COBLL1: variants seen among roughly 807,000 people sequenced by gnomAD.
COBLL1 encodes cordon-bleu protein-like 1.
In COBLL1, 50 loss-of-function variants were observed where a neutral mutation model predicts 94.8. That is an observed-to-expected ratio of 0.53 (90% CI 0.42 to 0.67). COBLL1 has a LOEUF of 0.67. Ranked by LOEUF, COBLL1 falls within the 30% of genes least tolerant of loss-of-function variation. The probability of loss-of-function intolerance (pLI) is 0.00; values close to 1 mark genes in which losing one functional copy is unlikely to be tolerated. For synonymous variants in COBLL1, 448 were observed against 473.8 expected, an observed-to-expected ratio of 0.95 and a Z score of 0.71; for missense variants, 1,362 against 1,348.7, an observed-to-expected ratio of 1.01 and a Z score of -0.15.
intron 7 of COBLL1, among the ~76,000 whole-genome samples, chr2:164,709,574 C>T (rs748484299): frequency 1.3e-4 from 20 of 151,990 alleles, no homozygotes; most frequent in Admixed American, 3.3e-4. Context: ...AGAAATTAGC[C>T]GGGTATGGTG....
At chr2:164,717,817 G>T (rs542797653) in intron 7 of COBLL1, among the ~76,000 whole-genome samples, 15 of 151,988 alleles carry the variant, frequency 9.9e-5, no homozygotes, top group African/African-American at 3.6e-4. Context: ...CTCCTACCTC[G>T]GCCTCCCAAA....
chr2:164,718,769 G>C (rs1685302513), intron 7 of COBLL1, among the ~76,000 whole-genome samples: 1 of 152,154 alleles, frequency 6.6e-6, no homozygotes. Flanking sequence ...TCTGATAAAA[G>C]AATGGACATC....
At chr2:164,729,522 T>C (rs1043991653) in intron 4 of COBLL1, among the ~76,000 whole-genome samples, 1 of 151,802 alleles carries the variant, frequency 6.6e-6, no homozygotes, top group African/African-American at 2.4e-5. Context: ...AAAACACACA[T>C]ACAAATAGAT....
chr2:164,729,796 A>G, intron 4 of COBLL1, 118 bp downstream of exon 4: 1 of 874,426 alleles, frequency 1.1e-6, no homozygotes, highest in Non-Finnish European at 1.8e-6. Flanking sequence ...AGTGCCTAGA[A>G]AAACATAATA....
At chr2:164,787,645 C>T (rs548571767) in intron 2 of COBLL1, among the ~76,000 whole-genome samples, 77 of 152,194 alleles carry the variant, frequency 5.1e-4, no homozygotes, top group African/African-American at 1.7e-3. Context: ...TGACCTTGAG[C>T]CCTCAAATAA....
chr2:164,760,440 A>G (rs1459081218), intron 2 of COBLL1, among the ~76,000 whole-genome samples: 1 of 152,172 alleles, frequency 6.6e-6, no homozygotes, highest in Non-Finnish European at 1.5e-5. Context: ...TGTGGTGGTG[A>G]AGAGTTCTGT....
At chr2:164,755,373 A>C (rs1687346557) in intron 2 of COBLL1, among the ~76,000 whole-genome samples, 1 of 152,052 alleles carries the variant, frequency 6.6e-6, no homozygotes, top group Admixed American at 6.5e-5. Flanking sequence ...CATTAACATA[A>C]TTTTGCCATT....
downstream of COBLL1, among the ~76,000 whole-genome samples, chr2:164,677,147 T>G (rs749790029): frequency 2.0e-5 from 3 of 152,200 alleles, no homozygotes; most frequent in Admixed American, 6.5e-5. Context: ...GGTTATAATT[T>G]TATATGTTGC....
At chr2:164,782,219 G>A (rs1273674895) in intron 2 of COBLL1, among the ~76,000 whole-genome samples, 1 of 152,132 alleles carries the variant, frequency 6.6e-6, no homozygotes, top group Non-Finnish European at 1.5e-5. Flanking sequence ...TTAAGAAAAT[G>A]CCTGGCCTTT....
At position 164,818,272 on chromosome 2, in the gene COBLL1, GTATGTATACATATA is replaced by G; in HGVS notation, c.41+22870_41+22883del. 2.6e-5 allele frequency among the ~76,000 whole-genome samples: 3 copies of G among 116,778 alleles called. 1 individual carries two copies. The highest frequency in any genetic ancestry group is 1.0e-4 in the African/African-American group (3 of 29,300). 76.6% of individuals were successfully genotyped at this position (116,778 alleles called of 152,430 possible). The stretch of plus-strand genomic sequence containing the variant: ...TGTGCATATACACATATACACGTAT[GTATGTATACATATA>G]TGTATGTATACATATGTATACATAT... On this transcript the variant is annotated intron_variant, in intron 2 of 13. Coordinates refer to ENST00000652658, the MANE Select transcript of COBLL1 (RefSeq NM_001365672.2).
Position 164,695,006 on chromosome 2 carries a change from G to T in COBLL1, c.2386C>A (p.Leu796Ile), listed in dbSNP as rs1400829246. The change falls in exon 12 of 14, where the codon CTT (leucine) becomes ATT (isoleucine). Residue 796 changes from leucine to isoleucine, a missense_variant. Coordinates refer to ENST00000652658, the MANE Select transcript of COBLL1 (RefSeq NM_001365672.2). Reference sequence around the variant, plus strand: ...GTTCTCAGGTTAGGCTTCGGTTTAAGGTTTGGCAGTGGCTCTTCTGGGCTT... The same window carrying T: ...GTTCTCAGGTTAGGCTTCGGTTTAATGTTTGGCAGTGGCTCTTCTGGGCTT... ...SESPEEPLPN[L>I]KPKPNLRTEH... is the part of the protein sequence containing the mutation. 1 of 1,613,902 alleles carries T rather than the reference G, an allele frequency of 6.2e-7. No individual in the cohort carries two copies. Among genetic ancestry groups the T allele is most frequent in the Non-Finnish European group, 8.5e-7 (1 of 1,179,930 alleles).
intron 7 of COBLL1, among the ~76,000 whole-genome samples, chr2:164,712,128 C>G (rs574580756): frequency 6.6e-6 from 1 of 152,186 alleles, no homozygotes; most frequent in East Asian, 1.9e-4. Flanking sequence ...TAGAATCAAA[C>G]GGCATTCAAG....
At chr2:164,726,521 A>C (rs1301277081) in intron 5 of COBLL1, among the ~76,000 whole-genome samples, 1 of 152,158 alleles carries the variant, frequency 6.6e-6, no homozygotes, top group Non-Finnish European at 1.5e-5. Context: ...ATAATAAAAA[A>C]ATCACATACC....
chr2:164,727,190 G>C, intron 5 of COBLL1: 1 of 1,138,304 alleles, frequency 8.8e-7, no homozygotes, highest in Non-Finnish European at 1.3e-6. Flanking sequence ...CTGTGAAGAT[G>C]ATGTTTGTTC....
chr2:164,768,236 T>C (rs542688763), intron 2 of COBLL1, among the ~76,000 whole-genome samples: 42 of 152,190 alleles, frequency 2.8e-4, no homozygotes, highest in African/African-American at 9.9e-4. Context: ...AGAAAGGCAG[T>C]AGAAAATGAG....
intron 7 of COBLL1, chr2:164,718,333 G>A (rs1050271504): frequency 1.4e-6 from 1 of 714,528 alleles, no homozygotes; most frequent in South Asian, 6.3e-5. Flanking sequence ...TAGAGGATGA[G>A]GTAAGTAAGT....
intron 2 of COBLL1, among the ~76,000 whole-genome samples, chr2:164,803,760 T>G (rs1019153304): frequency 7.4e-4 from 113 of 152,080 alleles, no homozygotes; most frequent in African/African-American, 2.7e-3. Context: ...CAAATATGTA[T>G]TATACACACG....
chr2:164,794,742 A>G (rs1683354049), intron 2 of COBLL1, among the ~76,000 whole-genome samples: 1 of 132,208 alleles, frequency 7.6e-6, no homozygotes, highest in African/African-American at 2.9e-5. Flanking sequence ...AGGAATCACA[A>G]GGCAATTTCA....
At chr2:164,789,020 AACACACACAC>A (rs56773751) in intron 2 of COBLL1, among the ~76,000 whole-genome samples, 4,863 of 141,610 alleles carry the variant, frequency 0.034, 184 homozygotes, top group African/African-American at 0.095. Context: ...TAGAGGTTTA[AACACACACAC>A]ACACACACAC....
Sources: gnomAD v4.1 joint callset for allele counts (sites outside exome capture counted in the v4.1 genomes callset) on GRCh38, gnomAD v4.1.1 for gene constraint, MANE v1.5 for transcripts, NCBI Gene and HGNC (gene_info 2026-07-23, HGNC 2026-07-21) for gene names.